Variants in ADAMTS16 observed in about 807,000 individuals in gnomAD.
The protein encoded by ADAMTS16 is A disintegrin and metalloproteinase with thrombospondin motifs 16.
Under a neutral mutation model 145.8 loss-of-function variants are expected in ADAMTS16, and 94 were observed. The ratio of observed to expected loss-of-function variants is 0.64; its 90% CI spans 0.55 to 0.77. ADAMTS16 has a LOEUF of 0.77. Ranked by LOEUF, ADAMTS16 falls within the 30% of genes least tolerant of loss-of-function variation. The pLI is 0.00. For missense variants in ADAMTS16, 1,585 were observed against 1,591.5 expected (o/e 1.00, Z 0.07); for synonymous variants, 659 against 604.3 (o/e 1.09, Z -1.33).
At chr5:5,292,278 C>T (rs892473759) in intron 18 of ADAMTS16, among the ~76,000 whole-genome samples, 1 of 151,938 alleles carries the variant, frequency 6.6e-6, no homozygotes, top group African/African-American at 2.4e-5. Flanking sequence ...TGTGGATCAC[C>T]TGACGTCAGG....
intron 3 of ADAMTS16, among the ~76,000 whole-genome samples, chr5:5,170,950 G>T (rs1286535950): frequency 6.6e-6 from 1 of 152,082 alleles, no homozygotes; most frequent in African/African-American, 2.4e-5. Flanking sequence ...TAGTGTTCTG[G>T]AGAGTTTTTC....
intron 18 of ADAMTS16, among the ~76,000 whole-genome samples, chr5:5,270,008 G>A (rs377744117): frequency 5.3e-5 from 8 of 152,100 alleles, no homozygotes; most frequent in Non-Finnish European, 7.3e-5. Flanking sequence ...CCCTCCATCC[G>A]ATGGCACCCT....
chr5:5,140,392 CG>C lies in ADAMTS16; in HGVS notation c.-73del. 7.2e-7 allele frequency: 1 copy of C among 1,395,254 alleles called. No homozygotes were observed. Among genetic ancestry groups the C allele is most frequent in the Non-Finnish European group, 9.4e-7 (1 of 1,060,876 alleles). The allele number at this position is 1,395,254 out of a possible 1,614,324, so 86.4% of individuals were successfully genotyped here. On this transcript the variant is annotated 5_prime_UTR_variant, in exon 1 of 23. Transcript: ENST00000274181. ...GAATCCTCCCGCGCTCTGCCTGGGT[CG>C]GGTCCTCCCTGCCCGCTCGCACGCT...
At chr5:5,282,970 G>A (rs942541462) in intron 18 of ADAMTS16, among the ~76,000 whole-genome samples, 6 of 151,346 alleles carry the variant, frequency 4.0e-5, no homozygotes, top group Non-Finnish European at 8.8e-5. Context: ...ATTTTATTTA[G>A]TATTATTTTT....
intron 8 of ADAMTS16, among the ~76,000 whole-genome samples, chr5:5,193,458 G>T (rs974554424): frequency 2.0e-5 from 3 of 152,132 alleles, no homozygotes; most frequent in Non-Finnish European, 2.9e-5. Flanking sequence ...ACAACATGAG[G>T]CTCCTGCTGT....
At chr5:5,235,697 A>G (rs541882969) in intron 13 of ADAMTS16, among the ~76,000 whole-genome samples, 34 of 152,330 alleles carry the variant, frequency 2.2e-4, no homozygotes, top group Admixed American at 1.4e-3. Context: ...TTTACTCCCC[A>G]GTGGGAAAGA....
chr5:5,200,336 G>C, intron 9 of ADAMTS16, 67 bp downstream of exon 9: 2 of 1,589,948 alleles, frequency 1.3e-6, no homozygotes, highest in Non-Finnish European at 1.7e-6. Context: ...TGGTCAGCCA[G>C]ATCCTGTGCA....
rs187141937 is a variant in ADAMTS16, at chr5:5,149,452, T to C, written c.501+2997T>C. Among the ~76,000 whole-genome samples the C allele has an allele frequency of 3.5e-3, 529 of 152,338 alleles. 1 individual carries two copies. The highest frequency in any genetic ancestry group is 6.5e-3 in the Non-Finnish European group (443 of 68,020). Reference sequence around the variant, plus strand: ...CAAAGAACAATAATGACTTACTGAATGTTATACTTTGCTAATAGCTTTACA... The same window carrying C: ...CAAAGAACAATAATGACTTACTGAACGTTATACTTTGCTAATAGCTTTACA... On this transcript the variant is annotated intron_variant, in intron 3 of 22. Transcript: ENST00000274181.
At chr5:5,311,315 AAAC>A (rs567215695) in intron 21 of ADAMTS16, among the ~76,000 whole-genome samples, 10,390 of 97,988 alleles carry the variant, frequency 0.11, 591 homozygotes, top group East Asian at 0.16. Context: ...AAAAAAAAAA[AAAC>A]AAAAAAACAA....
At chr5:5,150,072 A>C (rs1734408088) in intron 3 of ADAMTS16, among the ~76,000 whole-genome samples, 1 of 152,186 alleles carries the variant, frequency 6.6e-6, no homozygotes, top group East Asian at 1.9e-4. Context: ...TCTGGGACAT[A>C]TGGAAACTCT....
In ADAMTS16 at chr5:5,236,614, GTT is replaced by G. The variant is rs11288893; in HGVS notation, c.2024-345_2024-344del. ...TTTTGTGTGTTACTACAAAATGGCA[GTT>G]TTTTTTTTTGGATTTCTACAAGATA... On this transcript the variant is annotated intron_variant, in intron 13 of 22. Coordinates refer to ENST00000274181, the MANE Select transcript of ADAMTS16 (RefSeq NM_139056.4). 1.9e-3 allele frequency among the ~76,000 whole-genome samples: 277 copies of G among 148,080 alleles called. 1 individual carries two copies. The highest frequency in any genetic ancestry group is 7.0e-3 in the Middle Eastern group (2 of 286).
chr5:5,146,249 C>T lies in ADAMTS16; in HGVS notation c.295C>T (p.Leu99Phe), dbSNP rs1159182787. ...VPVSEVESLH[L>F]RLKGSRHDFH... is the part of the protein sequence containing the mutation. ...CGTGTCCGAGGTTGAGTCTCTTCAC[C>T]TTCGGCTGAAAGGCTCCAGGCACGA... The change falls in exon 3 of 23, where the codon CTT becomes TTT. Residue 99 changes from leucine (L) to phenylalanine (F), a missense_variant. Leu to Phe is a conservative substitution (Grantham distance 22). Coordinates refer to ENST00000274181, the MANE Select transcript of ADAMTS16 (RefSeq NM_139056.4). The T allele has an allele frequency of 1.2e-6, 2 of 1,614,174 alleles. No homozygotes were observed. The highest frequency in any genetic ancestry group is 1.7e-5 in the Admixed American group (1 of 60,012).
chr5:5,162,447 A>G (rs1734764905), intron 3 of ADAMTS16, among the ~76,000 whole-genome samples: 1 of 152,194 alleles, frequency 6.6e-6, no homozygotes, highest in Non-Finnish European at 1.5e-5. Flanking sequence ...GGCATCCGTT[A>G]TCTCCTCCCA....
At chr5:5,143,453 G>A (rs766847588) in intron 2 of ADAMTS16, among the ~76,000 whole-genome samples, 1 of 152,178 alleles carries the variant, frequency 6.6e-6, no homozygotes, top group African/African-American at 2.4e-5. Context: ...CATTTAGAAT[G>A]GCAATCTTTA....
At chr5:5,247,010 C>T (rs369637640) in intron 17 of ADAMTS16, among the ~76,000 whole-genome samples, 3 of 152,210 alleles carry the variant, frequency 2.0e-5, no homozygotes, top group Admixed American at 6.5e-5. Context: ...GGACGCCTGT[C>T]TTCCTCTGAG....
rs566344361 is a variant in ADAMTS16 at position 5,313,271 on chromosome 5, C to T, written c.3412-4863C>T. Among the ~76,000 whole-genome samples, 3 of 152,274 alleles carry T rather than the reference C, an allele frequency of 2.0e-5. No homozygotes were observed. In the South Asian group the frequency reaches 6.2e-4, roughly 32 times the overall value. On this transcript the variant is annotated intron_variant, in intron 21 of 22. Coordinates refer to ENST00000274181, the MANE Select transcript of ADAMTS16 (RefSeq NM_139056.4). Reference sequence around the variant, plus strand: ...CTTCACACTGTGGGAAATTGTCAGACGGTAATGAATGGCCCGGGCCTGGCT... The same window carrying T: ...CTTCACACTGTGGGAAATTGTCAGATGGTAATGAATGGCCCGGGCCTGGCT...
chr5:5,233,662 C>A (rs1737006452), intron 12 of ADAMTS16, among the ~76,000 whole-genome samples: 1 of 152,172 alleles, frequency 6.6e-6, no homozygotes. Flanking sequence ...TTCCTGCAAA[C>A]AACATGATCT....
chr5:5,192,307 G>A (rs948713534), intron 8 of ADAMTS16, among the ~76,000 whole-genome samples: 3 of 152,080 alleles, frequency 2.0e-5, no homozygotes, highest in African/African-American at 7.2e-5. Flanking sequence ...TATCTGTCCC[G>A]ATTCCTCTGT....
chr5:5,268,386 C>A (rs1217367427), intron 18 of ADAMTS16, among the ~76,000 whole-genome samples: 2 of 152,210 alleles, frequency 1.3e-5, no homozygotes, highest in Non-Finnish European at 2.9e-5. Context: ...CCGTACGTAG[C>A]ACTGCAGACG....
Sources: allele counts gnomAD v4.1 joint callset (sites outside exome capture counted in the v4.1 genomes callset), GRCh38; gene constraint gnomAD v4.1.1; transcripts MANE v1.5; gene names NCBI Gene and HGNC (gene_info 2026-07-23, HGNC 2026-07-21).